The following CTNNA3 variants were observed in gnomAD, a reference collection of about 807,000 sequenced individuals.
CTNNA3 encodes catenin alpha 3.
CTNNA3 carries 76 observed loss-of-function variants against 95.7 expected under a neutral mutation model. The ratio of observed to expected loss-of-function variants is 0.79; its 90% CI spans 0.66 to 0.96. CTNNA3 has a LOEUF of 0.96. Ranked by LOEUF, CTNNA3 falls within the 40% of genes least tolerant of loss-of-function variation. The pLI is 0.00. For missense variants in CTNNA3, 1,191 were observed against 1,089.8 expected, an observed-to-expected ratio of 1.09 and a Z score of -1.31; for synonymous variants, 431 against 374.4, an observed-to-expected ratio of 1.15 and a Z score of -1.74.
Position 67,213,009 on chromosome 10 carries a change from C to G in CTNNA3, c.843+6598G>C, listed in dbSNP as rs185057806. Among the ~76,000 whole-genome samples the G allele has an allele frequency of 2.0e-5, 3 of 151,692 alleles. No individual in the cohort carries two copies. The East Asian group carries it at 5.8e-4, about 29-fold the overall frequency. ...TTTGTTTGCTATTCTCAGGACACTGCTGTAGAAATACATTTACATATTCCT... is the reference window on the plus strand; with the variant it reads ...TTTGTTTGCTATTCTCAGGACACTGGTGTAGAAATACATTTACATATTCCT... On this transcript the variant is annotated intron_variant, in intron 6 of 17. Coordinates refer to ENST00000433211, the MANE Select transcript of CTNNA3 (RefSeq NM_013266.4).
At chr10:67,283,516 A>C (rs142820168) in intron 5 of CTNNA3, among the ~76,000 whole-genome samples, 63 of 152,302 alleles carry the variant, frequency 4.1e-4, no homozygotes, top group African/African-American at 1.5e-3. Flanking sequence ...AAGTCCTAGT[A>C]GGTCACTGTG....
At chr10:67,429,051 A>G (rs1846017104) in intron 5 of CTNNA3, among the ~76,000 whole-genome samples, 2 of 151,954 alleles carry the variant, frequency 1.3e-5, no homozygotes, top group Admixed American at 1.3e-4. Flanking sequence ...ACCTCAAATA[A>G]TATACTTCTT....
chr10:67,739,164 A>G (rs540055031), intron 1 of CTNNA3, among the ~76,000 whole-genome samples: 3 of 152,320 alleles, frequency 2.0e-5, no homozygotes, highest in East Asian at 1.9e-4. Flanking sequence ...GTTGAAATGA[A>G]GGAAAAAATG....
At chr10:67,208,837 G>T (rs952815020) in intron 6 of CTNNA3, among the ~76,000 whole-genome samples, 11 of 151,898 alleles carry the variant, frequency 7.2e-5, no homozygotes, top group African/African-American at 2.7e-4. Flanking sequence ...ATCTAGACAT[G>T]AATAAAATTA....
intron 10 of CTNNA3, among the ~76,000 whole-genome samples, chr10:66,551,902 T>A (rs1042225105): frequency 7.0e-6 from 1 of 143,058 alleles, no homozygotes; most frequent in Non-Finnish European, 1.5e-5. Flanking sequence ...TTTCCTTTTT[T>A]TTTTTTTTTT....
chr10:67,350,903 AG>A (rs908174480), intron 5 of CTNNA3, among the ~76,000 whole-genome samples: 3 of 79,048 alleles, frequency 3.8e-5, no homozygotes, highest in African/African-American at 1.3e-4. Flanking sequence ...ATGTGAAAAA[AG>A]TATGTGTATA....
intron 12 of CTNNA3, among the ~76,000 whole-genome samples, chr10:66,369,274 T>G (rs993845041): frequency 6.6e-6 from 1 of 152,122 alleles, no homozygotes; most frequent in South Asian, 2.1e-4. Flanking sequence ...TCAGTAGAAA[T>G]CATGGCTTGG....
At chr10:66,690,086 A>G (rs1194854977) in intron 9 of CTNNA3, among the ~76,000 whole-genome samples, 3 of 152,118 alleles carry the variant, frequency 2.0e-5, no homozygotes, top group Non-Finnish European at 4.4e-5. Context: ...TAGACACAGG[A>G]GTCTTAAAGC....
At chr10:67,333,864 G>A (rs896773223) in intron 5 of CTNNA3, among the ~76,000 whole-genome samples, 3 of 152,082 alleles carry the variant, frequency 2.0e-5, no homozygotes, top group Non-Finnish European at 2.9e-5. Flanking sequence ...GATAATGGCT[G>A]GCTGAAGCAC....
intron 7 of CTNNA3, among the ~76,000 whole-genome samples, chr10:67,117,067 G>C (rs1483261096): frequency 1.3e-5 from 2 of 151,786 alleles, no homozygotes; most frequent in East Asian, 1.9e-4. Context: ...TTTAATTACT[G>C]GTAGTAAGAA....
chr10:67,610,385 C>T (rs1490639517), intron 2 of CTNNA3, among the ~76,000 whole-genome samples: 2 of 152,192 alleles, frequency 1.3e-5, no homozygotes, highest in East Asian at 1.9e-4. Flanking sequence ...TTTGTACCTA[C>T]GTCTTCTTTT....
At chr10:66,130,164 A>G (rs574020166) in intron 13 of CTNNA3, among the ~76,000 whole-genome samples, 3 of 152,306 alleles carry the variant, frequency 2.0e-5, no homozygotes, top group Admixed American at 2.0e-4. Flanking sequence ...ATAGTCCTGC[A>G]CCCACCACAA....
chr10:67,503,505 A>G (rs1194527461), intron 5 of CTNNA3, among the ~76,000 whole-genome samples: 1 of 152,146 alleles, frequency 6.6e-6, no homozygotes, highest in Non-Finnish European at 1.5e-5. Context: ...TTCACAATAA[A>G]TAAGCCTTAA....
intron 7 of CTNNA3, among the ~76,000 whole-genome samples, chr10:66,905,012 C>T (rs1405536469): frequency 6.6e-6 from 1 of 152,146 alleles, no homozygotes; most frequent in Non-Finnish European, 1.5e-5. Flanking sequence ...CCAGCCATCC[C>T]ATTACTGGGT....
intron 13 of CTNNA3, among the ~76,000 whole-genome samples, chr10:66,178,234 G>A (rs1466250019): frequency 6.7e-6 from 1 of 149,964 alleles, no homozygotes; most frequent in African/African-American, 2.4e-5. Flanking sequence ...AGATGGATTA[G>A]GTATACATTC....
rs4142738 is a variant in CTNNA3, at chr10:67,090,469, G to A, written c.1047+89848C>T. ...TGCCTATATTGTGTTCACCTCTCTA[G>A]GTTCTAAGGCCAGTAAGAATTAGAT... On this transcript the variant is annotated intron_variant, in intron 7 of 17. Coordinates refer to ENST00000433211, the MANE Select transcript of CTNNA3 (RefSeq NM_013266.4). Among the ~76,000 whole-genome samples, 1,382 of 152,162 alleles carry A rather than the reference G, an allele frequency of 9.1e-3. 55 individuals are homozygous for A. In the East Asian group the frequency reaches 0.12, roughly 13 times the overall value.
intron 7 of CTNNA3, among the ~76,000 whole-genome samples, chr10:67,049,007 G>A (rs1589660407): frequency 7.1e-6 from 1 of 140,770 alleles, no homozygotes; most frequent in Non-Finnish European, 1.5e-5. Context: ...TTATTTTATA[G>A]CAAAAATTTA....
intron 13 of CTNNA3, among the ~76,000 whole-genome samples, chr10:66,246,838 G>A (rs542170825): frequency 2.3e-4 from 35 of 151,952 alleles, no homozygotes; most frequent in African/African-American, 7.7e-4. Flanking sequence ...GGATCACGAG[G>A]TCAAGAGATC....
rs57092292 is a variant in CTNNA3, at chr10:66,465,026, G to A, written c.1531+55591C>T. ...AATGAGAGTAAATGAAATAGGGTGC[G>A]GACATAGACAAATGATAGCAAAATT... On this transcript the variant is annotated intron_variant, in intron 11 of 17. Transcript: ENST00000433211. 4.1e-3 allele frequency among the ~76,000 whole-genome samples: 618 copies of A among 152,098 alleles called. 7 individuals are homozygous for A. Among genetic ancestry groups the A allele is most frequent in the African/African-American group, 0.015 (602 of 41,474 alleles).
Sources: gnomAD v4.1 joint callset for allele counts (sites outside exome capture counted in the v4.1 genomes callset) on GRCh38, gnomAD v4.1.1 for gene constraint, MANE v1.5 for transcripts, NCBI Gene and HGNC (gene_info 2026-07-23, HGNC 2026-07-21) for gene names.